The following PKNOX2 variants were observed in gnomAD, a reference collection of about 807,000 sequenced individuals.
PKNOX2 encodes the protein homeobox protein PKNOX2.
In PKNOX2, 14 loss-of-function variants were observed where a neutral mutation model predicts 53.1. The ratio of observed to expected loss-of-function variants is 0.26; its 90% CI spans 0.17 to 0.41. The LOEUF is 0.41. PKNOX2 is among the 10% of genes least tolerant of loss of function. The pLI, the probability that PKNOX2 is intolerant of heterozygous loss-of-function variation, is 1.00. For missense variants in PKNOX2, 496 were observed against 602.8 expected (o/e 0.82, Z 1.85); for synonymous variants, 257 against 242.8 (o/e 1.06, Z -0.54).
In PKNOX2 at chr11:125,393,117, G is replaced by A. The variant is rs189413215; in HGVS notation, c.400-4757G>A. Among the ~76,000 whole-genome samples the A allele has an allele frequency of 7.2e-3, 1,058 of 146,820 alleles. 9 individuals are homozygous for A. Among genetic ancestry groups the A allele is most frequent in the African/African-American group, 0.026 (1,017 of 39,284 alleles). On this transcript the variant is annotated intron_variant, in intron 6 of 12. Transcript: ENST00000298282. Reference sequence around the variant, plus strand: ...GGAGCTTGCAGTGAGTCGAGATCGCGCCACTGCACTCCAGCCTGGGCGACA... The same window carrying A: ...GGAGCTTGCAGTGAGTCGAGATCGCACCACTGCACTCCAGCCTGGGCGACA...
At chr11:125,336,008 T>C (rs1458977477) in intron 3 of PKNOX2, among the ~76,000 whole-genome samples, 2 of 152,252 alleles carry the variant, frequency 1.3e-5, no homozygotes, top group Admixed American at 6.5e-5. Context: ...GTTTTAAATA[T>C]TGTTCTAAAA....
At chr11:125,211,465 A>C (rs1281127273) in intron 1 of PKNOX2, among the ~76,000 whole-genome samples, 1 of 152,190 alleles carries the variant, frequency 6.6e-6, no homozygotes, top group Non-Finnish European at 1.5e-5. Context: ...GGTTGGAGAC[A>C]TATAATAAAC....
chr11:125,294,229 A>C (rs1187899517), intron 2 of PKNOX2, among the ~76,000 whole-genome samples: 9 of 152,196 alleles, frequency 5.9e-5, no homozygotes, highest in Non-Finnish European at 1.0e-4. Context: ...TAAGGAAGCC[A>C]TTGTTATTGT....
At chr11:125,278,849 G>T (rs1307864889) in intron 2 of PKNOX2, among the ~76,000 whole-genome samples, 1 of 152,244 alleles carries the variant, frequency 6.6e-6, no homozygotes, top group Non-Finnish European at 1.5e-5. Flanking sequence ...ACTTGTCCAA[G>T]GTCATCAGGT....
At chr11:125,347,388 T>C (rs1951035165) in intron 3 of PKNOX2, among the ~76,000 whole-genome samples, 1 of 152,230 alleles carries the variant, frequency 6.6e-6, no homozygotes, top group African/African-American at 2.4e-5. Flanking sequence ...AACCCCTTTG[T>C]GCCCCAGGCC....
At chr11:125,378,993 A>G (rs1953032344) in intron 5 of PKNOX2, among the ~76,000 whole-genome samples, 1 of 149,370 alleles carries the variant, frequency 6.7e-6, no homozygotes, top group East Asian at 2.0e-4. Flanking sequence ...TTTTAAACCC[A>G]GGTGGTCCAA....
At chr11:125,401,883 G>A (rs1954778717) in intron 7 of PKNOX2, among the ~76,000 whole-genome samples, 1 of 152,164 alleles carries the variant, frequency 6.6e-6, no homozygotes, top group Non-Finnish European at 1.5e-5. Context: ...GGCCTGGGGA[G>A]GGGTGTCTCC....
intron 1 of PKNOX2, among the ~76,000 whole-genome samples, chr11:125,214,171 TC>T (rs962512326): frequency 4.6e-5 from 7 of 152,094 alleles, no homozygotes; most frequent in Non-Finnish European, 8.8e-5. Flanking sequence ...CGCTGTGCCA[TC>T]CCATGTCAGG....
intron 1 of PKNOX2, among the ~76,000 whole-genome samples, chr11:125,183,748 T>C (rs1340522652): frequency 6.7e-6 from 1 of 150,276 alleles, no homozygotes; most frequent in African/African-American, 2.5e-5. Context: ...ATGATTTTTT[T>C]CAGAGAGAAT....
At chr11:125,274,486 C>T (rs917501350) in intron 2 of PKNOX2, among the ~76,000 whole-genome samples, 1 of 152,228 alleles carries the variant, frequency 6.6e-6, no homozygotes, top group Non-Finnish European at 1.5e-5. Flanking sequence ...CAGACAGCAA[C>T]TCATGAAACC....
chr11:125,223,012 G>A (rs564802850), intron 1 of PKNOX2, among the ~76,000 whole-genome samples: 8 of 152,268 alleles, frequency 5.3e-5, no homozygotes, highest in South Asian at 2.1e-4. Context: ...AAGGATTCTC[G>A]TCTGGGATTT....
intron 5 of PKNOX2, among the ~76,000 whole-genome samples, chr11:125,383,036 G>A (rs1005447160): frequency 2.7e-4 from 41 of 152,218 alleles, no homozygotes; most frequent in African/African-American, 8.7e-4. Flanking sequence ...TGCAGGGACA[G>A]GCTCTGCCAA....
intron 2 of PKNOX2, among the ~76,000 whole-genome samples, chr11:125,260,324 G>A (rs1444818991): frequency 6.6e-6 from 1 of 152,136 alleles, no homozygotes; most frequent in Admixed American, 6.6e-5. Context: ...TCAGCCTCCT[G>A]AGTAGCTGGG....
At chr11:125,275,225 G>A (rs1379441292) in intron 2 of PKNOX2, among the ~76,000 whole-genome samples, 2 of 152,126 alleles carry the variant, frequency 1.3e-5, no homozygotes, top group Non-Finnish European at 2.9e-5. Context: ...CTCTAAGGAT[G>A]GGATATTTGT....
intron 2 of PKNOX2, among the ~76,000 whole-genome samples, chr11:125,273,580 A>G (rs1328338557): frequency 6.6e-6 from 1 of 152,032 alleles, no homozygotes; most frequent in Non-Finnish European, 1.5e-5. Context: ...GTTCTATGGT[A>G]TTTTTCTACA....
chr11:125,326,770 G>A (rs538825480), intron 2 of PKNOX2, among the ~76,000 whole-genome samples: 2 of 152,318 alleles, frequency 1.3e-5, no homozygotes, highest in East Asian at 1.9e-4. Context: ...AGATGGCAAT[G>A]GTGAAAACCA....
chr11:125,175,773 G>C (rs1024167765), intron 1 of PKNOX2, among the ~76,000 whole-genome samples: 1 of 152,194 alleles, frequency 6.6e-6, no homozygotes, highest in African/African-American at 2.4e-5. Flanking sequence ...TTCCCCATCA[G>C]TCAACTGGTG....
At chr11:125,308,226 T>C (rs1253443888) in intron 2 of PKNOX2, among the ~76,000 whole-genome samples, 9 of 152,252 alleles carry the variant, frequency 5.9e-5, no homozygotes, top group African/African-American at 1.9e-4. Flanking sequence ...TTATGGATCA[T>C]GCCCTTGGCC....
At chr11:125,219,085 G>GT (rs1222394148) in intron 1 of PKNOX2, among the ~76,000 whole-genome samples, 1 of 152,120 alleles carries the variant, frequency 6.6e-6, no homozygotes, top group Non-Finnish European at 1.5e-5. Flanking sequence ...CAGTGGGAGG[G>GT]TGTTGGCTCT....
Sources: gnomAD v4.1 joint callset for allele counts (sites outside exome capture counted in the v4.1 genomes callset) on GRCh38, gnomAD v4.1.1 for gene constraint, MANE v1.5 for transcripts, NCBI Gene and HGNC (gene_info 2026-07-23, HGNC 2026-07-21) for gene names.